The following GOLIM4 variants were observed in gnomAD, a reference collection of about 807,000 sequenced individuals.
GOLIM4 encodes 130 kDa golgi-localized phosphoprotein.
A neutral mutation model predicts 107.4 loss-of-function variants in GOLIM4; 71 were observed. The ratio of observed to expected loss-of-function variants is 0.66; its 90% CI spans 0.55 to 0.81. The LOEUF is 0.81. Ranked by LOEUF, GOLIM4 falls within the 30% of genes least tolerant of loss-of-function variation. The probability of loss-of-function intolerance (pLI) is 0.00; values close to 1 mark genes in which losing one functional copy is unlikely to be tolerated. For missense variants in GOLIM4, 830 were observed against 826.1 expected (o/e 1.00, Z -0.06); for synonymous variants, 327 against 294.8 (o/e 1.11, Z -1.12).
chr3:168,044,969 A>G, intron 3 of GOLIM4, 88 bp from the exon 4 acceptor site: 2 of 726,944 alleles, frequency 2.8e-6, no homozygotes, highest in Non-Finnish European at 4.5e-6. Flanking sequence ...ATATAACTTT[A>G]TTTATTTCAC....
At chr3:168,075,453 C>G (rs973953709) in intron 1 of GOLIM4, among the ~76,000 whole-genome samples, 2 of 151,390 alleles carry the variant, frequency 1.3e-5, no homozygotes, top group East Asian at 3.9e-4. Flanking sequence ...CCCGCCACTA[C>G]GCCCGGCTAA....
At chr3:168,071,530 CT>C (rs1720830083) in intron 1 of GOLIM4, among the ~76,000 whole-genome samples, 1 of 151,622 alleles carries the variant, frequency 6.6e-6, no homozygotes, top group African/African-American at 2.4e-5. Flanking sequence ...CTGTCCCCCA[CT>C]TTCCCCGGCG....
chr3:168,011,188 A>C (rs1716998228), intron 14 of GOLIM4, among the ~76,000 whole-genome samples: 1 of 148,842 alleles, frequency 6.7e-6, no homozygotes, highest in Admixed American at 6.6e-5. Context: ...GGGTGCGCGC[A>C]CCATGCGCGA....
At chr3:168,067,569 T>C (rs996101464) in intron 1 of GOLIM4, among the ~76,000 whole-genome samples, 11 of 151,230 alleles carry the variant, frequency 7.3e-5, no homozygotes, top group African/African-American at 2.7e-4. Context: ...AAAAAATACA[T>C]GAGATAGAAC....
chr3:168,068,737 A>G (rs1381424097), intron 1 of GOLIM4, among the ~76,000 whole-genome samples: 2 of 152,048 alleles, frequency 1.3e-5, no homozygotes, highest in Non-Finnish European at 2.9e-5. Context: ...GTAAATAAAG[A>G]ATAAACACTA....
At chr3:168,029,677 G>A (rs1486271557) in intron 10 of GOLIM4, 103 bp downstream of exon 10, 7 of 1,300,786 alleles carry the variant, frequency 5.4e-6, no homozygotes, top group Non-Finnish European at 7.5e-6. Context: ...AGCAATATGA[G>A]CCCCTTAACT....
At chr3:168,038,060 T>C (rs1180433614) in intron 7 of GOLIM4, among the ~76,000 whole-genome samples, 1 of 151,978 alleles carries the variant, frequency 6.6e-6, no homozygotes, top group Non-Finnish European at 1.5e-5. Context: ...ACCCCAAGAG[T>C]GAGGTGCTTT....
At chr3:168,037,385 A>G (rs1358771946) in intron 7 of GOLIM4, among the ~76,000 whole-genome samples, 7 of 152,186 alleles carry the variant, frequency 4.6e-5, no homozygotes, top group African/African-American at 1.7e-4. Flanking sequence ...CCTTTTACCA[A>G]TATGATCTGA....
chr3:168,092,893 T>C (rs1721983152), intron 1 of GOLIM4, among the ~76,000 whole-genome samples: 1 of 152,220 alleles, frequency 6.6e-6, no homozygotes, highest in Non-Finnish European at 1.5e-5. Flanking sequence ...GAAATAATTA[T>C]TCATGCACAA....
chr3:168,030,510 C>CA (rs11411251), intron 9 of GOLIM4, among the ~76,000 whole-genome samples: 1,844 of 102,200 alleles, frequency 0.018, 26 homozygotes, highest in East Asian at 0.023. Flanking sequence ...TAAGCATAGC[C>CA]AAAAAAAAAA....
In GOLIM4 at chr3:168,048,369, G is replaced by GA; in HGVS notation, c.188-5dup. 3 of 1,411,106 alleles carry GA rather than the reference G, an allele frequency of 2.1e-6. No individual in the cohort carries two copies. The highest frequency in any genetic ancestry group is 2.9e-6 in the Non-Finnish European group (3 of 1,022,170). The allele number at this position is 1,411,106 out of a possible 1,614,324, so 87.4% of individuals were successfully genotyped here. Reference sequence around the variant, plus strand: ...CTTGATCTGTGTTCATATACAACTGGAAAAAAAGTTAACATTTTTGTCTTC... The same window carrying GA: ...CTTGATCTGTGTTCATATACAACTGGAAAAAAAAGTTAACATTTTTGTCTTC... On this transcript the variant is annotated splice_region_variant and splice_polypyrimidine_tract_variant and intron_variant, in intron 1 of 15. Transcript: ENST00000470487.
Position 168,095,286 on chromosome 3 carries a change from A to G in GOLIM4, c.-1T>C, listed in dbSNP as rs1722128262. ...TTCGGGAGCACATCCCGTTTCCCATAGTCCCGCCTGGACCCAAAGCCGCGG... is the reference window on the plus strand; with the variant it reads ...TTCGGGAGCACATCCCGTTTCCCATGGTCCCGCCTGGACCCAAAGCCGCGG... On this transcript the variant is annotated 5_prime_UTR_variant, in exon 1 of 16. Transcript: ENST00000470487. The G allele has an allele frequency of 6.2e-7, 1 of 1,611,548 alleles. No homozygotes were observed. Among genetic ancestry groups the G allele is most frequent in the Non-Finnish European group, 8.5e-7 (1 of 1,179,506 alleles).
chr3:168,073,559 A>C (rs1048189988), intron 1 of GOLIM4, among the ~76,000 whole-genome samples: 3 of 152,194 alleles, frequency 2.0e-5, no homozygotes, highest in Non-Finnish European at 4.4e-5. Context: ...TTTTTGTATT[A>C]AAGGTCCTTA....
At chr3:168,018,810 A>C (rs1053523917) in intron 14 of GOLIM4, among the ~76,000 whole-genome samples, 1 of 152,186 alleles carries the variant, frequency 6.6e-6, no homozygotes, top group Non-Finnish European at 1.5e-5. Context: ...TAAACATTAA[A>C]ATGTTGTAGT....
chr3:168,042,861 T>C lies in GOLIM4; in HGVS notation c.517+518A>G, dbSNP rs147226448. 1.3e-3 allele frequency among the ~76,000 whole-genome samples: 192 copies of C among 152,338 alleles called. 1 individual carries two copies. The East Asian group carries it at 0.013, about 10-fold the overall frequency. On this transcript the variant is annotated intron_variant, in intron 5 of 15. Transcript: ENST00000470487. The stretch of plus-strand genomic sequence containing the variant: ...ACAGATAAGACAATGAAGCCCACAG[T>C]TGTCACACAACTTACCCATGGTCAC...
chr3:168,024,643 C>T (rs1368756951), intron 13 of GOLIM4, 49 bp from the exon 14 acceptor site: 2 of 1,409,900 alleles, frequency 1.4e-6, no homozygotes, highest in Non-Finnish European at 2.0e-6. Context: ...TCAGAGATGC[C>T]TTTTACACAG....
At chr3:168,036,776 C>T in intron 8 of GOLIM4, 60 bp downstream of exon 8, 2 of 1,388,530 alleles carry the variant, frequency 1.4e-6, no homozygotes, top group Non-Finnish European at 9.8e-7. Context: ...AGCAGGTCCC[C>T]TCTTGGCAAC....
intron 1 of GOLIM4, among the ~76,000 whole-genome samples, chr3:168,080,429 T>A (rs892703023): frequency 6.6e-6 from 1 of 152,212 alleles, no homozygotes; most frequent in African/African-American, 2.4e-5. Context: ...TTTAAATTCA[T>A]GAAAATTAAA....
intron 1 of GOLIM4, among the ~76,000 whole-genome samples, chr3:168,088,400 A>G (rs1054489603): frequency 1.3e-5 from 2 of 152,224 alleles, no homozygotes; most frequent in Non-Finnish European, 2.9e-5. Context: ...AAATGGTAGT[A>G]GTAATATTCT....
Sources: gnomAD v4.1 joint callset for allele counts (sites outside exome capture counted in the v4.1 genomes callset) on GRCh38, gnomAD v4.1.1 for gene constraint, MANE v1.5 for transcripts, NCBI Gene and HGNC (gene_info 2026-07-23, HGNC 2026-07-21) for gene names.